Variants in RAB7A observed in about 807,000 individuals in gnomAD.
RAB7A encodes RAB7A, member RAS oncogene family.
A neutral mutation model predicts 24.5 loss-of-function variants in RAB7A; 2 were observed. The ratio of observed to expected loss-of-function variants is 0.08; its 90% confidence interval spans 0.03 to 0.26. RAB7A has a LOEUF of 0.26. Among genes scored for constraint, RAB7A ranks in the 10% least tolerant of loss-of-function variants. RAB7A has a pLI of 1.00. For synonymous variants in RAB7A, 100 were observed against 95.9 expected (o/e 1.04, Z -0.25); for missense variants, 118 against 255.7 (o/e 0.46, Z 3.67).
At chr3:128,798,845 A>G (rs13075455) in intron 3 of RAB7A, 5 of 218,456 alleles carry the variant, frequency 2.3e-5, no homozygotes, top group South Asian at 1.0e-4. Context: ...AAAAAAAAAA[A>G]GAATCCCAGG....
At chr3:128,748,341 G>T (rs2070640808) in intron 1 of RAB7A, among the ~76,000 whole-genome samples, 1 of 152,190 alleles carries the variant, frequency 6.6e-6, no homozygotes, top group Non-Finnish European at 1.5e-5. Context: ...GTGGTCTTCT[G>T]CCCTAACACT....
chr3:128,756,586 A>G (rs2070731382), intron 1 of RAB7A, among the ~76,000 whole-genome samples: 1 of 152,142 alleles, frequency 6.6e-6, no homozygotes, highest in Non-Finnish European at 1.5e-5. Flanking sequence ...GTACTCCCCA[A>G]AGTAAGAAAT....
chr3:128,737,335 G>A (rs6791351), intron 1 of RAB7A, among the ~76,000 whole-genome samples: 6,346 of 127,320 alleles, frequency 0.05, 428 homozygotes, highest in African/African-American at 0.17. Flanking sequence ...CACCGCTCCC[G>A]GCCTTTTTTT....
intron 1 of RAB7A, 139 bp downstream of exon 1, chr3:128,726,498 C>CG (rs956315636): frequency 1.3e-5 from 2 of 152,598 alleles, no homozygotes; most frequent in African/African-American, 4.8e-5. Flanking sequence ...CACCCGGCAT[C>CG]GCTCAGGCCC....
intron 1 of RAB7A, among the ~76,000 whole-genome samples, chr3:128,740,371 A>G (rs1431162325): frequency 2.6e-5 from 4 of 152,190 alleles, no homozygotes; most frequent in Non-Finnish European, 4.4e-5. Context: ...CAGAGAAAGA[A>G]AAGTATTTAA....
chr3:128,738,321 T>C lies in RAB7A; in HGVS notation c.-9+11962T>C, dbSNP rs544512954. Among the ~76,000 whole-genome samples, 6 of 152,288 alleles carry C rather than the reference T, an allele frequency of 3.9e-5. No homozygotes were observed. The East Asian group carries it at 1.2e-3, about 29-fold the overall frequency. On this transcript the variant is annotated intron_variant, in intron 1 of 5. Coordinates refer to ENST00000265062, the MANE Select transcript of RAB7A (RefSeq NM_004637.6). The stretch of plus-strand genomic sequence containing the variant: ...TGCTAGGATTACAGATGTGAGCCAC[T>C]ACTCGTCAAGAACCCTATGTTTTTC...
intron 1 of RAB7A, among the ~76,000 whole-genome samples, chr3:128,791,260 G>A (rs1303501971): frequency 1.3e-5 from 2 of 152,014 alleles, no homozygotes; most frequent in African/African-American, 4.8e-5. Flanking sequence ...TCCTGCTTCA[G>A]CCTTTTTGGT....
intron 1 of RAB7A, among the ~76,000 whole-genome samples, chr3:128,760,008 C>T (rs1369970821): frequency 6.6e-6 from 1 of 152,152 alleles, no homozygotes; most frequent in African/African-American, 2.4e-5. Context: ...CCATGCCCAG[C>T]CTCGATGATG....
intron 1 of RAB7A, among the ~76,000 whole-genome samples, chr3:128,759,704 T>C (rs2070761743): frequency 6.6e-6 from 1 of 152,082 alleles, no homozygotes; most frequent in Non-Finnish European, 1.5e-5. Context: ...TGCCCGTGTA[T>C]GATGGTGACT....
intron 1 of RAB7A, among the ~76,000 whole-genome samples, chr3:128,760,082 G>A (rs2070765690): frequency 6.6e-6 from 1 of 152,190 alleles, no homozygotes; most frequent in Non-Finnish European, 1.5e-5. Flanking sequence ...TATTCTGGGT[G>A]TGCCTGTGAG....
intron 1 of RAB7A, among the ~76,000 whole-genome samples, chr3:128,779,619 T>A (rs1933177425): frequency 6.6e-6 from 1 of 151,966 alleles, no homozygotes; most frequent in Admixed American, 6.6e-5. Context: ...GGAGACAGGA[T>A]CTTGCTCTGT....
intron 1 of RAB7A, among the ~76,000 whole-genome samples, chr3:128,727,355 A>G (rs1031098957): frequency 6.6e-6 from 1 of 152,112 alleles, no homozygotes; most frequent in African/African-American, 2.4e-5. Flanking sequence ...CACTGTATTA[A>G]ATTTCTAGGT....
At chr3:128,798,786 G>T in intron 3 of RAB7A, 1 of 199,358 alleles carries the variant, frequency 5.0e-6, no homozygotes, top group Non-Finnish European at 9.3e-6. Flanking sequence ...TTATACTCCA[G>T]CCTGGGTGAT....
At chr3:128,778,631 A>AT (rs1270856432) in intron 1 of RAB7A, among the ~76,000 whole-genome samples, 1 of 152,230 alleles carries the variant, frequency 6.6e-6, no homozygotes, top group East Asian at 1.9e-4. Context: ...AGTTTATAAA[A>AT]TGCTCAGTCA....
chr3:128,795,751 C>CTGTTTTTTTTTTTTTTTTTTTT (rs1933554904), intron 2 of RAB7A, among the ~76,000 whole-genome samples: 3 of 43,032 alleles, frequency 7.0e-5, no homozygotes, highest in East Asian at 1.1e-3. Flanking sequence ...AGCAGATGTG[C>CTGTTTTTTTTTTTTTTTTTTTT]TTTTTTTTTT....
intron 1 of RAB7A, among the ~76,000 whole-genome samples, chr3:128,734,896 A>G (rs1466252724): frequency 6.6e-6 from 1 of 152,240 alleles, no homozygotes; most frequent in Admixed American, 6.5e-5. Flanking sequence ...GAGGACAAGG[A>G]TGAATCATTA....
At position 128,740,897 on chromosome 3, in the gene RAB7A, CAAAAAAAAAAAAAA is replaced by C. The variant is rs59043831; in HGVS notation, c.-9+14551_-9+14564del. 1.2e-3 allele frequency among the ~76,000 whole-genome samples: 96 copies of C among 79,602 alleles called. 2 individuals carry two copies. Among genetic ancestry groups the C allele is most frequent in the East Asian group, 3.3e-3 (8 of 2,398 alleles). 52.2% of individuals were successfully genotyped at this position (79,602 alleles called of 152,430 possible). A position where few individuals can be genotyped will look rare whatever the true frequency, so the allele number is the denominator to read the frequency against. ...GCCTAGGTGACAGAGGGAGATGTCTCAAAAAAAAAAAAAAAAAAAAAAAAAAGACTTGTGTTTCT... is the reference window on the plus strand; with the variant it reads ...GCCTAGGTGACAGAGGGAGATGTCTCAAAAAAAAAAAAGACTTGTGTTTCT... On this transcript the variant is annotated intron_variant, in intron 1 of 5. Transcript: ENST00000265062.
intron 1 of RAB7A, among the ~76,000 whole-genome samples, chr3:128,777,136 T>C (rs569161583): frequency 6.6e-6 from 1 of 152,222 alleles, no homozygotes; most frequent in Non-Finnish European, 1.5e-5. Context: ...GATATATGTT[T>C]TGCAAATATA....
intron 5 of RAB7A, among the ~76,000 whole-genome samples, chr3:128,809,699 A>G (rs893327943): frequency 5.9e-5 from 9 of 152,130 alleles, no homozygotes; most frequent in Non-Finnish European, 1.2e-4. Flanking sequence ...CTTATGGCAG[A>G]AAAGAGAGAC....
Sources: gnomAD v4.1 joint callset for allele counts (sites outside exome capture counted in the v4.1 genomes callset) on GRCh38, gnomAD v4.1.1 for gene constraint, MANE v1.5 for transcripts, NCBI Gene and HGNC (gene_info 2026-07-23, HGNC 2026-07-21) for gene names.